GPRIN3: variants seen among roughly 807,000 people sequenced by gnomAD.
GPRIN3 encodes GPRIN family member 3.
A neutral mutation model predicts 13.7 loss-of-function variants in GPRIN3; 12 were observed. The observed-to-expected ratio is 0.87, with a 90% CI of 0.56 to 1.42. The LOEUF (loss-of-function observed/expected upper bound fraction) is 1.42. Among genes scored for constraint, GPRIN3 ranks in the 40% most tolerant of loss-of-function variants. GPRIN3 has a pLI of 0.00. For missense variants in GPRIN3, 1,009 were observed against 958.7 expected (o/e 1.05, Z -0.69); for synonymous variants, 377 against 372.7 (o/e 1.01, Z -0.13).
At chr4:89,304,159 C>G (rs1357169438) in intron 1 of GPRIN3, among the ~76,000 whole-genome samples, 1 of 152,174 alleles carries the variant, frequency 6.6e-6, no homozygotes, top group Non-Finnish European at 1.5e-5. Context: ...TGCTCTCTGA[C>G]TTTACTGCCA....
At chr4:89,305,447 G>T (rs1247385581) in intron 1 of GPRIN3, among the ~76,000 whole-genome samples, 1 of 152,142 alleles carries the variant, frequency 6.6e-6, no homozygotes, top group Non-Finnish European at 1.5e-5. Context: ...ACCATGTCCA[G>T]TCCAGGATTA....
intron 1 of GPRIN3, among the ~76,000 whole-genome samples, chr4:89,276,151 T>G (rs17015317): frequency 0.097 from 14,825 of 152,206 alleles, 2,362 homozygotes; most frequent in African/African-American, 0.33. Flanking sequence ...ATGATAACAA[T>G]GAATTTTGAA....
At chr4:89,282,438 A>G (rs1724278156) in intron 1 of GPRIN3, among the ~76,000 whole-genome samples, 1 of 152,176 alleles carries the variant, frequency 6.6e-6, no homozygotes, top group Non-Finnish European at 1.5e-5. Context: ...GTGTGCATCT[A>G]TTATTGGGAT....
At chr4:89,266,570 A>G (rs1723785338) in intron 1 of GPRIN3, among the ~76,000 whole-genome samples, 1 of 152,238 alleles carries the variant, frequency 6.6e-6, no homozygotes, top group South Asian at 2.1e-4. Flanking sequence ...GTGGGTTGCT[A>G]AAACCAAGTT....
In GPRIN3 at chr4:89,240,819, T is replaced by C. The variant is rs936700244; in HGVS notation, c.*6961A>G. 3 of 152,238 alleles carry C rather than the reference T, an allele frequency of 2.0e-5. No homozygotes were observed. In the East Asian group the frequency reaches 5.8e-4, roughly 29 times the overall value. 9.4% of individuals were successfully genotyped at this position (152,238 alleles called of 1,614,324 possible). ...TTTGTGATTTATCTGAATATACTAGTATAAATAAAATGTATTATGTGTGCC... is the reference window on the plus strand; with the variant it reads ...TTTGTGATTTATCTGAATATACTAGCATAAATAAAATGTATTATGTGTGCC... On this transcript the variant is annotated 3_prime_UTR_variant, in exon 2 of 2. Coordinates refer to ENST00000609438, the MANE Select transcript of GPRIN3 (RefSeq NM_198281.3).
intron 1 of GPRIN3, among the ~76,000 whole-genome samples, chr4:89,287,203 C>G (rs1162264162): frequency 6.6e-6 from 1 of 152,004 alleles, no homozygotes; most frequent in Non-Finnish European, 1.5e-5. Context: ...GAAGATACAC[C>G]ATGAAAAATA....
In GPRIN3 at chr4:89,248,153, G is replaced by A; in HGVS notation, c.1958C>T (p.Ala653Val). The change falls in exon 2 of 2, where the codon GCT (alanine) becomes GTT (valine). Residue 653 changes from alanine to valine, a missense_variant. Coordinates refer to ENST00000609438, the MANE Select transcript of GPRIN3 (RefSeq NM_198281.3). Reference protein sequence around the residue: ...KEQKLNVTAAAAQVGLTPGDK... With the variant: ...KEQKLNVTAAVAQVGLTPGDK... ...TCCTGGAGTGAGTCCTACCTGAGCA[G>A]CAGCTGCTGTCACATTTAACTTTTG... 1.9e-6 allele frequency: 3 copies of A among 1,614,168 alleles called. No homozygotes were observed. The highest frequency in any genetic ancestry group is 2.5e-6 in the Non-Finnish European group (3 of 1,180,024).
In GPRIN3 at chr4:89,243,759, G is replaced by A. The variant is rs1419167384; in HGVS notation, c.*4021C>T. The A allele has an allele frequency of 2.0e-5, 3 of 152,162 alleles. No homozygotes were observed. Among genetic ancestry groups the A allele is most frequent in the Non-Finnish European group, 4.4e-5 (3 of 68,022 alleles). 9.4% of individuals were successfully genotyped at this position (152,162 alleles called of 1,614,324 possible). A position where few individuals can be genotyped will look rare whatever the true frequency, so the allele number is the denominator to read the frequency against. ...ATCAGGCAGGTAGAGGTCTACACAA[G>A]GCTACAAGTGCCCAGTTTTCAATAA... On this transcript the variant is annotated 3_prime_UTR_variant, in exon 2 of 2. Transcript: ENST00000609438.
At chr4:89,297,641 A>G (rs1724777007) in intron 1 of GPRIN3, among the ~76,000 whole-genome samples, 1 of 152,200 alleles carries the variant, frequency 6.6e-6, no homozygotes. Context: ...GGCATGAATT[A>G]CCACTTAAAC....
intron 1 of GPRIN3, among the ~76,000 whole-genome samples, chr4:89,285,359 A>AG (rs1361307452): frequency 6.6e-6 from 1 of 151,828 alleles, no homozygotes; most frequent in Non-Finnish European, 1.5e-5. Context: ...ATTAAAAAAA[A>AG]AGAAAAATCC....
chr4:89,266,267 G>A (rs542541362), intron 1 of GPRIN3, among the ~76,000 whole-genome samples: 8 of 152,198 alleles, frequency 5.3e-5, no homozygotes, highest in Admixed American at 6.5e-5. Context: ...TGCCCCTAAC[G>A]GACAGACAAA....
chr4:89,263,865 T>G (rs535599247), intron 1 of GPRIN3, among the ~76,000 whole-genome samples: 9 of 152,248 alleles, frequency 5.9e-5, no homozygotes, highest in African/African-American at 2.2e-4. Flanking sequence ...ACTCCCAAAC[T>G]CATGTTCTTA....
Position 89,284,136 on chromosome 4 carries a change from G to A in GPRIN3, c.-124+23479C>T, listed in dbSNP as rs144871240. Among the ~76,000 whole-genome samples, 1,013 of 152,314 alleles carry A rather than the reference G, an allele frequency of 6.7e-3. 9 individuals carry two copies. Among genetic ancestry groups the A allele is most frequent in the Middle Eastern group, 0.01 (3 of 294 alleles). ...CCCACCACAAGCTGGTGAGGTAAGGGCCTCAGCAGGATTCTGGAAAGGTGT... is the reference window on the plus strand; with the variant it reads ...CCCACCACAAGCTGGTGAGGTAAGGACCTCAGCAGGATTCTGGAAAGGTGT... On this transcript the variant is annotated intron_variant, in intron 1 of 1. Coordinates refer to ENST00000609438, the MANE Select transcript of GPRIN3 (RefSeq NM_198281.3).
In GPRIN3 at chr4:89,285,228, GACA is replaced by G. The variant is rs1435109396; in HGVS notation, c.-124+22384_-124+22386del. Among the ~76,000 whole-genome samples, 3 of 151,624 alleles carry G rather than the reference GACA, an allele frequency of 2.0e-5. No homozygotes were observed. The East Asian group carries it at 5.8e-4, about 29-fold the overall frequency. ...TTGGGGGGTCAGGGGGCGGGGGAGG[GACA>G]ACATTAGGAGAAATACCTAATGTAA... On this transcript the variant is annotated intron_variant, in intron 1 of 1. Coordinates refer to ENST00000609438, the MANE Select transcript of GPRIN3 (RefSeq NM_198281.3).
chr4:89,254,001 G>A (rs908396375), intron 1 of GPRIN3, among the ~76,000 whole-genome samples: 7 of 152,150 alleles, frequency 4.6e-5, no homozygotes, highest in Admixed American at 3.9e-4. Flanking sequence ...AGAATGGGGA[G>A]TATGTGTCTT....
chr4:89,237,055 T>G lies in GPRIN3; in HGVS notation c.*10725A>C, dbSNP rs1256863285. 6.6e-6 allele frequency: 1 copy of G among 152,200 alleles called. No individual in the cohort carries two copies. Among genetic ancestry groups the G allele is most frequent in the Admixed American group, 6.5e-5 (1 of 15,272 alleles). 9.4% of individuals were successfully genotyped at this position (152,200 alleles called of 1,614,324 possible). A position where few individuals can be genotyped will look rare whatever the true frequency, so the allele number is the denominator to read the frequency against. On this transcript the variant is annotated 3_prime_UTR_variant, in exon 2 of 2. Transcript: ENST00000609438. ...TTTTAATGGCAGGTCAAGGCTCTTT[T>G]GCAGTTTGATTGAGAGACGTCAAGC...
chr4:89,280,660 T>G (rs1724221132), intron 1 of GPRIN3, among the ~76,000 whole-genome samples: 1 of 152,168 alleles, frequency 6.6e-6, no homozygotes, highest in East Asian at 1.9e-4. Context: ...AATAGGTTTT[T>G]GCAGATATAA....
chr4:89,252,364 T>C (rs1348370950), intron 1 of GPRIN3, among the ~76,000 whole-genome samples: 2 of 152,168 alleles, frequency 1.3e-5, no homozygotes. Flanking sequence ...GTTTTAATAT[T>C]TATCATTAAT....
At position 89,248,870 on chromosome 4, in the gene GPRIN3, G is replaced by C. The variant is rs370470960; in HGVS notation, c.1241C>G (p.Pro414Arg). The C allele has an allele frequency of 9.9e-6, 16 of 1,614,050 alleles. No individual in the cohort carries two copies. Among genetic ancestry groups the C allele is most frequent in the Non-Finnish European group, 1.3e-5 (15 of 1,180,036 alleles). The change falls in exon 2 of 2, where the codon CCA becomes CGA. Residue 414 changes from proline to arginine, a missense_variant. By Grantham distance (103) the Pro-to-Arg change is moderately radical (BLOSUM62 -2). Coordinates refer to ENST00000609438, the MANE Select transcript of GPRIN3 (RefSeq NM_198281.3). ...FQRENKLASL[P>R]GGVLKTSSIN... ...TGATGAGGTTTTAAGGACCCCACCT[G>C]GTAGGCTCGCAAGTTTATTTTCCCG... is the stretch of plus-strand genomic sequence containing the variant.
Sources: gnomAD v4.1 joint callset for allele counts (sites outside exome capture counted in the v4.1 genomes callset) on GRCh38, gnomAD v4.1.1 for gene constraint, MANE v1.5 for transcripts, NCBI Gene and HGNC (gene_info 2026-07-23, HGNC 2026-07-21) for gene names.